Variants in PCDHA7 observed in about 807,000 individuals in gnomAD.
PCDHA7 encodes protocadherin alpha 7.
In PCDHA7, 37 loss-of-function variants were observed where a neutral mutation model predicts 57.2. That is an observed-to-expected ratio of 0.65 (90% CI 0.50 to 0.85). The LOEUF (loss-of-function observed/expected upper bound fraction) is 0.85, where lower values mean the gene tolerates loss of function less well. PCDHA7 is among the 40% of genes least tolerant of loss of function. The pLI is 0.00. For missense variants in PCDHA7, 1,188 were observed against 1,241.8 expected (o/e 0.96, Z 0.65); for synonymous variants, 553 against 558.8 (o/e 0.99, Z 0.15).
intron 1 of PCDHA7, chr5:140,871,263 G>T: frequency 6.2e-7 from 1 of 1,614,010 alleles, no homozygotes; most frequent in South Asian, 1.1e-5. Flanking sequence ...ATACGGCGCT[G>T]TGGTGGTCGG....
chr5:140,871,522 A>T, intron 1 of PCDHA7: 1 of 1,549,186 alleles, frequency 6.5e-7, no homozygotes, highest in Non-Finnish European at 8.7e-7. Flanking sequence ...TCCACCTATC[A>T]GGAAGTGTAT....
chr5:140,884,628 G>A (rs2153405760), intron 1 of PCDHA7: 3 of 1,612,722 alleles, frequency 1.9e-6, no homozygotes, highest in Non-Finnish European at 2.5e-6. Context: ...GAGGGAACAG[G>A]CCAGAGGGAG....
intron 1 of PCDHA7, chr5:140,968,000 C>T: frequency 1.2e-6 from 2 of 1,614,234 alleles, no homozygotes; most frequent in Non-Finnish European, 8.5e-7. Context: ...GCCTTTCCGA[C>T]TGAATGGCTT....
chr5:140,850,957 C>T (rs2150503952), intron 1 of PCDHA7: 2 of 1,481,512 alleles, frequency 1.3e-6, no homozygotes, highest in Non-Finnish European at 9.0e-7. Context: ...CGATTACTCC[C>T]AGGGGCCGTT....
chr5:140,836,193 A>T lies in PCDHA7; in HGVS notation c.1810A>T (p.Asn604Tyr), dbSNP rs1774273849. 6.2e-6 allele frequency: 10 copies of T among 1,613,716 alleles called. No homozygotes were observed. Among genetic ancestry groups the T allele is most frequent in the Non-Finnish European group, 8.5e-6 (10 of 1,179,822 alleles). ...VRAVDADSGY[N>Y]AWLSYELQPV... ...TGCAGTTGACGCTGACTCAGGCTAC[A>T]ACGCGTGGCTTTCGTATGAGTTGCA... The change falls in exon 1 of 4, where the codon AAC becomes TAC. Residue 604 changes from asparagine (N) to tyrosine (Y), a missense_variant. By Grantham distance (143) the Asn-to-Tyr change is moderately radical. This residue lies in a region of PCDHA7 where 892 missense variants were observed against 788.5 expected (regional missense o/e 1.13). Coordinates refer to ENST00000525929, the MANE Select transcript of PCDHA7 (RefSeq NM_018910.3).
At chr5:140,850,694 G>C in intron 1 of PCDHA7, 2 of 1,598,344 alleles carry the variant, frequency 1.3e-6, no homozygotes, top group Non-Finnish European at 1.7e-6. Context: ...GCGAGTGCGC[G>C]CCTGGCAAGC....
intron 1 of PCDHA7, among the ~76,000 whole-genome samples, chr5:140,939,170 A>G (rs1554212590): frequency 2.0e-5 from 3 of 152,136 alleles, no homozygotes; most frequent in Admixed American, 1.3e-4. Context: ...GTGTCTGGTA[A>G]TGGCCCACTC....
chr5:140,862,382 G>T, intron 1 of PCDHA7: 1 of 345,046 alleles, frequency 2.9e-6, no homozygotes, highest in South Asian at 2.3e-5. Flanking sequence ...GACTCCTCAC[G>T]TCTCTTCAAG....
In PCDHA7 at chr5:140,884,106, T is replaced by C; in HGVS notation, c.2355+47368T>C. 1 of 1,613,420 alleles carries C rather than the reference T, an allele frequency of 6.2e-7. No individual in the cohort carries two copies. The highest frequency in any genetic ancestry group is 8.5e-7 in the Non-Finnish European group (1 of 1,179,712). On this transcript the variant is annotated intron_variant, in intron 1 of 3. Transcript: ENST00000525929. ...GCGTGGCTTTCGTATGAATTGCAGC[T>C]GGCGGCGGTCGGCGCGCGCATCCCG...
At chr5:140,954,340 G>A (rs2095020682) in intron 1 of PCDHA7, among the ~76,000 whole-genome samples, 1 of 152,176 alleles carries the variant, frequency 6.6e-6, no homozygotes, top group Non-Finnish European at 1.5e-5. Flanking sequence ...TCTGCCTCTA[G>A]ATCTTTGAGG....
intron 1 of PCDHA7, chr5:140,871,085 CG>C: frequency 6.2e-7 from 1 of 1,613,246 alleles, no homozygotes. Context: ...CTGACGGCCA[CG>C]GCCACCGTGC....
chr5:141,007,084 AAG>A lies in PCDHA7; in HGVS notation c.2504-2538_2504-2537del, dbSNP rs576927752. On this transcript the variant is annotated intron_variant, in intron 3 of 3. Transcript: ENST00000525929. ...AGGAGAGAGTGAAGAGAAAATAGAG[AAG>A]AGAGTCTAGGGCCAAACCCAAGGAA... Among the ~76,000 whole-genome samples, 32 of 152,274 alleles carry A rather than the reference AAG, an allele frequency of 2.1e-4. No individual in the cohort carries two copies. The East Asian group carries it at 3.3e-3, about 16-fold the overall frequency.
At chr5:140,991,691 A>G (rs2153897191) in intron 3 of PCDHA7, among the ~76,000 whole-genome samples, 1 of 152,286 alleles carries the variant, frequency 6.6e-6, no homozygotes, top group Middle Eastern at 3.4e-3. Flanking sequence ...TCTCTAGTAG[A>G]GCCATTAATA....
intron 1 of PCDHA7, among the ~76,000 whole-genome samples, chr5:140,945,598 T>C (rs544036785): frequency 1.3e-5 from 2 of 152,116 alleles, no homozygotes; most frequent in South Asian, 2.1e-4. Flanking sequence ...TTCAAAGCTA[T>C]AATAATCAAA....
intron 3 of PCDHA7, among the ~76,000 whole-genome samples, chr5:141,007,365 A>G (rs1027558453): frequency 6.7e-6 from 1 of 149,886 alleles, no homozygotes; most frequent in African/African-American, 2.5e-5. Context: ...AGCCTGGGCA[A>G]CATGATGGAA....
chr5:140,982,705 T>A, intron 3 of PCDHA7, 142 bp downstream of exon 3: 1 of 1,376,850 alleles, frequency 7.3e-7, no homozygotes, highest in Non-Finnish European at 9.5e-7. Flanking sequence ...CATGATTTCC[T>A]TACATATATG....
At chr5:140,928,157 C>T (rs782528366) in intron 1 of PCDHA7, 9 of 1,614,200 alleles carry the variant, frequency 5.6e-6, no homozygotes, top group Non-Finnish European at 7.6e-6. Flanking sequence ...GATAGTGGCT[C>T]ACCCCCACTT....
intron 1 of PCDHA7, chr5:140,841,532 C>T (rs2150317529): frequency 3.7e-6 from 6 of 1,613,694 alleles, no homozygotes; most frequent in Non-Finnish European, 5.1e-6. Context: ...GTCCAAAAGA[C>T]ACCGGGACCT....
intron 1 of PCDHA7, among the ~76,000 whole-genome samples, chr5:140,908,224 C>T (rs2073867832): frequency 6.6e-6 from 1 of 152,160 alleles, no homozygotes; most frequent in Admixed American, 6.5e-5. Flanking sequence ...GTGAACCAGT[C>T]CTTAGTCTTC....
Sources: allele counts gnomAD v4.1 joint callset (sites outside exome capture counted in the v4.1 genomes callset), GRCh38; gene constraint gnomAD v4.1.1; regional missense constraint gnomAD v4.1.1; transcripts MANE v1.5; gene names NCBI Gene and HGNC (gene_info 2026-07-23, HGNC 2026-07-21).